CHMP4C: variants seen among roughly 807,000 people sequenced by gnomAD.
CHMP4C encodes SNF7 homolog associated with Alix 3.
CHMP4C carries 28 observed loss-of-function variants against 29.0 expected under a neutral mutation model. That is an observed-to-expected ratio of 0.97 (90% CI 0.72 to 1.32). CHMP4C has a LOEUF of 1.32. Ranked by LOEUF, CHMP4C falls within the 40% of genes most tolerant of loss-of-function variation. The pLI, the probability that CHMP4C is intolerant of heterozygous loss-of-function variation, is 0.00. For missense variants in CHMP4C, 291 were observed against 281.0 expected, an observed-to-expected ratio of 1.04 and a Z score of -0.25; for synonymous variants, 106 against 102.4, an observed-to-expected ratio of 1.04 and a Z score of -0.21.
At chr8:81,741,678 T>C (rs1808764257) in intron 1 of CHMP4C, among the ~76,000 whole-genome samples, 1 of 152,206 alleles carries the variant, frequency 6.6e-6, no homozygotes, top group Non-Finnish European at 1.5e-5. Flanking sequence ...GTGAATCTAT[T>C]TGTACTTTTA....
intron 3 of CHMP4C, 24 bp downstream of exon 3, chr8:81,755,508 G>A: frequency 7.2e-7 from 1 of 1,386,994 alleles, no homozygotes; most frequent in South Asian, 1.2e-5. Flanking sequence ...TATGAAGAAT[G>A]CAGGATTGTG....
chr8:81,752,051 A>G (rs1808910325), intron 1 of CHMP4C, among the ~76,000 whole-genome samples: 1 of 152,128 alleles, frequency 6.6e-6, no homozygotes, highest in African/African-American at 2.4e-5. Flanking sequence ...TTTGTGCACC[A>G]TGGAAAAAGC....
At chr8:81,746,104 A>T (rs553537181) in intron 1 of CHMP4C, among the ~76,000 whole-genome samples, 1 of 152,154 alleles carries the variant, frequency 6.6e-6, no homozygotes, top group Non-Finnish European at 1.5e-5. Context: ...AGAGACTCAC[A>T]TACACTTCTT....
At chr8:81,734,380 G>T (rs1481949104) in intron 1 of CHMP4C, among the ~76,000 whole-genome samples, 1 of 152,168 alleles carries the variant, frequency 6.6e-6, no homozygotes, top group Non-Finnish European at 1.5e-5. Context: ...GCCCAGGCTG[G>T]AGTGCAATGG....
chr8:81,738,968 A>T (rs1257028086), intron 1 of CHMP4C, among the ~76,000 whole-genome samples: 1 of 151,924 alleles, frequency 6.6e-6, no homozygotes, highest in Non-Finnish European at 1.5e-5. Flanking sequence ...ACTGGAAGGG[A>T]TTACTCTCTA....
At chr8:81,748,161 C>T (rs1241376826) in intron 1 of CHMP4C, among the ~76,000 whole-genome samples, 1 of 152,152 alleles carries the variant, frequency 6.6e-6, no homozygotes, top group Non-Finnish European at 1.5e-5. Context: ...TGGCTCTGTT[C>T]TGCCCGGCTC....
At chr8:81,738,113 G>T (rs747174807) in intron 1 of CHMP4C, among the ~76,000 whole-genome samples, 12 of 152,170 alleles carry the variant, frequency 7.9e-5, no homozygotes, top group Non-Finnish European at 1.6e-4. Context: ...CTTGCAGTTT[G>T]CCTCTTTTTC....
At chr8:81,740,254 C>G (rs1052710811) in intron 1 of CHMP4C, among the ~76,000 whole-genome samples, 1 of 152,200 alleles carries the variant, frequency 6.6e-6, no homozygotes, top group Non-Finnish European at 1.5e-5. Flanking sequence ...GGACCAGTTT[C>G]ATGGAAGACA....
chr8:81,738,212 C>G lies in CHMP4C; in HGVS notation c.190+5396C>G, dbSNP rs369237146. ...TGTAAATATGTGAAAATGAGTGGATCTAGTCTGGGGTGATTTGTAGGCTGA... is the reference window on the plus strand; with the variant it reads ...TGTAAATATGTGAAAATGAGTGGATGTAGTCTGGGGTGATTTGTAGGCTGA... On this transcript the variant is annotated intron_variant, in intron 1 of 4. Coordinates refer to ENST00000297265, the MANE Select transcript of CHMP4C (RefSeq NM_152284.4). Among the ~76,000 whole-genome samples, 13 of 152,268 alleles carry G rather than the reference C, an allele frequency of 8.5e-5. No individual in the cohort carries two copies. In the East Asian group the frequency reaches 2.5e-3, roughly 29 times the overall value.
chr8:81,754,837 G>C (rs1406362213), intron 2 of CHMP4C, among the ~76,000 whole-genome samples: 1 of 152,122 alleles, frequency 6.6e-6, no homozygotes, highest in African/African-American at 2.4e-5. Context: ...GCTCTCTTTA[G>C]TAACCTCTCA....
rs1301552340 is a variant in CHMP4C at position 81,758,281 on chromosome 8, G to A, written c.623G>A (p.Arg208His). 9.3e-6 allele frequency: 15 copies of A among 1,613,848 alleles called. No individual in the cohort carries two copies. Among genetic ancestry groups the A allele is most frequent in the Admixed American group, 8.3e-5 (5 of 59,964 alleles). ...NRKPGMSSTA[R>H]RSRAASSQRA... is the part of the protein sequence containing the mutation. ...AAACCAGGCATGTCGTCCACTGCAC[G>A]TCGATCCCGAGCAGGTCTGTTACCC... Residue 208 changes from arginine (R) to histidine (H), a missense_variant, in exon 4 of 5, where the codon CGT becomes CAT. By Grantham distance (29) the Arg-to-His change is conservative (BLOSUM62 0). Coordinates refer to ENST00000297265, the MANE Select transcript of CHMP4C (RefSeq NM_152284.4).
At chr8:81,753,306 C>G in intron 2 of CHMP4C, 65 bp downstream of exon 2, 2 of 1,289,904 alleles carry the variant, frequency 1.6e-6, no homozygotes, top group Non-Finnish European at 2.1e-6. Context: ...CCTTTGGAAC[C>G]ATATGATGGT....
intron 3 of CHMP4C, 99 bp downstream of exon 3, chr8:81,755,583 A>G (rs1223363717): frequency 1.6e-6 from 1 of 612,546 alleles, no homozygotes; most frequent in Non-Finnish European, 2.9e-6. Flanking sequence ...TGAAAGAACA[A>G]GTGATATTTG....
chr8:81,735,038 C>T (rs1412476594), intron 1 of CHMP4C, among the ~76,000 whole-genome samples: 5 of 151,936 alleles, frequency 3.3e-5, no homozygotes, highest in South Asian at 2.1e-4. Context: ...GGATTACAGG[C>T]GTGCACCACC....
At position 81,732,604 on chromosome 8, in the gene CHMP4C, C is replaced by T. The variant is rs908679910; in HGVS notation, c.-23C>T. 31 of 1,516,264 alleles carry T rather than the reference C, an allele frequency of 2.0e-5. No individual in the cohort carries two copies. In the African/African-American group the frequency reaches 4.1e-4, roughly 20 times the overall value. 93.9% of individuals were successfully genotyped at this position (1,516,264 alleles called of 1,614,324 possible). On this transcript the variant is annotated 5_prime_UTR_variant, in exon 1 of 5. Coordinates refer to ENST00000297265, the MANE Select transcript of CHMP4C (RefSeq NM_152284.4). ...AGCTCCCGAGAGGCCCCCGGGATCGCTGGCCCTCCGAACTCCACAGCAATG... is the reference window on the plus strand; with the variant it reads ...AGCTCCCGAGAGGCCCCCGGGATCGTTGGCCCTCCGAACTCCACAGCAATG...
chr8:81,755,689 G>A (rs111355151), intron 3 of CHMP4C, among the ~76,000 whole-genome samples: 2 of 152,206 alleles, frequency 1.3e-5, no homozygotes, highest in Non-Finnish European at 2.9e-5. Context: ...GCCTGATTAA[G>A]TTTTCAGCTA....
chr8:81,747,240 C>T (rs977157209), intron 1 of CHMP4C, among the ~76,000 whole-genome samples: 2 of 152,120 alleles, frequency 1.3e-5, no homozygotes, highest in Admixed American at 1.3e-4. Flanking sequence ...AGAGCTCCAC[C>T]CTTTATACCA....
chr8:81,753,821 G>A (rs564993993), intron 2 of CHMP4C, among the ~76,000 whole-genome samples: 104 of 152,166 alleles, frequency 6.8e-4, no homozygotes, highest in Non-Finnish European at 1.3e-3. Flanking sequence ...TTCCTTATAT[G>A]TAAATTAGAG....
At chr8:81,757,686 A>G (rs1808989377) in intron 3 of CHMP4C, among the ~76,000 whole-genome samples, 1 of 152,258 alleles carries the variant, frequency 6.6e-6, no homozygotes, top group South Asian at 2.1e-4. Flanking sequence ...TAAAAGAACC[A>G]TAGTATCTTT....
Sources: gnomAD v4.1 joint callset for allele counts (sites outside exome capture counted in the v4.1 genomes callset) on GRCh38, gnomAD v4.1.1 for gene constraint, MANE v1.5 for transcripts, NCBI Gene and HGNC (gene_info 2026-07-23, HGNC 2026-07-21) for gene names.